The following NGEF variants were observed in gnomAD, a reference collection of about 807,000 sequenced individuals.
NGEF encodes ephexin-1.
Under a neutral mutation model 80.9 loss-of-function variants are expected in NGEF, and 31 were observed. The observed-to-expected ratio is 0.38, with a 90% CI of 0.29 to 0.52. NGEF has a LOEUF of 0.52. Among genes scored for constraint, NGEF ranks in the 20% least tolerant of loss-of-function variants. NGEF has a pLI of 0.84. For synonymous variants in NGEF, 371 were observed against 370.2 expected, an observed-to-expected ratio of 1.00 and a Z score of -0.03; for missense variants, 709 against 926.2, an observed-to-expected ratio of 0.77 and a Z score of 3.04.
intron 3 of NGEF, among the ~76,000 whole-genome samples, chr2:232,959,046 A>G (rs1693891327): frequency 6.6e-6 from 1 of 152,236 alleles, no homozygotes; most frequent in African/African-American, 2.4e-5. Context: ...ATCTCTTAAC[A>G]TGATCAAATA....
intron 8 of NGEF, among the ~76,000 whole-genome samples, chr2:232,888,584 CACAT>C (rs753632631): frequency 9.5e-4 from 144 of 152,352 alleles, no homozygotes; most frequent in African/African-American, 1.3e-3. Flanking sequence ...TGCACGCACA[CACAT>C]ACACACAGCC....
chr2:232,978,307 G>A (rs1414889331), intron 1 of NGEF, among the ~76,000 whole-genome samples: 2 of 152,014 alleles, frequency 1.3e-5, no homozygotes, highest in African/African-American at 4.8e-5. Flanking sequence ...GAGGTCAGGA[G>A]TTCAAGACCA....
chr2:232,987,920 C>T (rs550608779), intron 1 of NGEF, among the ~76,000 whole-genome samples: 26 of 152,124 alleles, frequency 1.7e-4, no homozygotes, highest in Non-Finnish European at 3.5e-4. Context: ...TTGGGGACTG[C>T]CCACATGGCC....
intron 3 of NGEF, among the ~76,000 whole-genome samples, chr2:232,961,008 C>T (rs1207993508): frequency 2.0e-5 from 3 of 152,168 alleles, no homozygotes; most frequent in Non-Finnish European, 4.4e-5. Flanking sequence ...TTGTGCTTTC[C>T]TCCTGCCGTG....
At chr2:232,926,691 T>C (rs530794674) in intron 4 of NGEF, among the ~76,000 whole-genome samples, 2 of 152,214 alleles carry the variant, frequency 1.3e-5, no homozygotes, top group African/African-American at 4.8e-5. Context: ...TGATGGGGGA[T>C]AGTGGAGTCC....
rs749287296 is a variant in NGEF at position 232,879,221 on chromosome 2, G to A, written c.*268C>T. ...TGTGCCCACCCCCTTCCACCCCCTC[G>A]GAGGCATGAGGGAGGTGGTGTAATA... is the stretch of plus-strand genomic sequence containing the variant. On this transcript the variant is annotated 3_prime_UTR_variant, in exon 15 of 15. Transcript: ENST00000264051. The A allele has an allele frequency of 1.1e-5, 4 of 372,618 alleles. No individual in the cohort carries two copies. The highest frequency in any genetic ancestry group is 5.9e-5 in the South Asian group (1 of 16,850). The allele number at this position is 372,618 out of a possible 1,614,324, so 23.1% of individuals were successfully genotyped here.
rs977372454 is a variant in NGEF at position 232,974,525 on chromosome 2, A to G, written c.268+98T>C. ...TTGAAACTGTCCTTGGTACTTTTCA[A>G]TGCCACTTATCCTTTCTCATTTAAT... is the stretch of plus-strand genomic sequence containing the variant. On this transcript the variant is annotated intron_variant, in intron 2 of 14. Transcript: ENST00000264051. 21 of 1,395,290 alleles carry G rather than the reference A, an allele frequency of 1.5e-5. No homozygotes were observed. In the South Asian group the frequency reaches 1.5e-4, roughly 10 times the overall value. The allele number at this position is 1,395,290 out of a possible 1,614,324, so 86.4% of individuals were successfully genotyped here.
chr2:232,979,910 G>C (rs146915438), intron 1 of NGEF, among the ~76,000 whole-genome samples: 1 of 150,870 alleles, frequency 6.6e-6, no homozygotes, highest in African/African-American at 2.4e-5. Context: ...GCCAAGCCTC[G>C]CAACTTCCGC....
At chr2:232,922,956 G>A (rs916856272) in intron 4 of NGEF, among the ~76,000 whole-genome samples, 2 of 152,154 alleles carry the variant, frequency 1.3e-5, no homozygotes, top group African/African-American at 2.4e-5. Context: ...TATAATCCCA[G>A]CTACTCGGGA....
intron 1 of NGEF, among the ~76,000 whole-genome samples, chr2:233,005,485 C>T (rs1196650206): frequency 3.3e-5 from 5 of 152,250 alleles, no homozygotes; most frequent in African/African-American, 7.2e-5. Context: ...ACAAGGCCAC[C>T]TTCTGTGGCA....
intron 1 of NGEF, among the ~76,000 whole-genome samples, chr2:232,988,206 G>T (rs1413387463): frequency 6.6e-6 from 1 of 152,096 alleles, no homozygotes; most frequent in African/African-American, 2.4e-5. Flanking sequence ...AGGGGAGGTG[G>T]GGAGAGTGGC....
chr2:232,945,077 A>G (rs1033805489), intron 3 of NGEF, among the ~76,000 whole-genome samples: 4 of 152,068 alleles, frequency 2.6e-5, no homozygotes, highest in African/African-American at 9.7e-5. Context: ...TAAACCATGC[A>G]TATGTTTTAT....
intron 1 of NGEF, among the ~76,000 whole-genome samples, chr2:233,010,443 C>T (rs1695179055): frequency 6.6e-6 from 1 of 152,342 alleles, no homozygotes; most frequent in South Asian, 2.1e-4. Context: ...TTCTTCTCCT[C>T]CTCCTGGAAA....
chr2:232,913,508 T>A (rs1023571162), intron 5 of NGEF, among the ~76,000 whole-genome samples: 11 of 152,252 alleles, frequency 7.2e-5, no homozygotes, highest in Non-Finnish European at 1.6e-4. Context: ...TGGCCGATTC[T>A]TCCATAACCT....
chr2:233,000,492 C>CAGGCGAGG (rs1391521387), intron 1 of NGEF, among the ~76,000 whole-genome samples: 1 of 151,414 alleles, frequency 6.6e-6, no homozygotes, highest in Non-Finnish European at 1.5e-5. Context: ...TGGCTCACGC[C>CAGGCGAGG]TGTAATGCCA....
At chr2:232,938,954 G>GCTT (rs1693385526) in intron 3 of NGEF, among the ~76,000 whole-genome samples, 3 of 151,990 alleles carry the variant, frequency 2.0e-5, no homozygotes, top group Admixed American at 2.0e-4. Flanking sequence ...GCCGAGGCAG[G>GCTT]TGGATCAGAG....
chr2:232,974,932 C>A lies in NGEF; in HGVS notation c.-42G>T. On this transcript the variant is annotated 5_prime_UTR_variant, in exon 2 of 15. It removes the in-frame stop codon of an upstream open reading frame in the 5' UTR. Coordinates refer to ENST00000264051, the MANE Select transcript of NGEF (RefSeq NM_019850.3). The stretch of plus-strand genomic sequence containing the variant: ...GTTTCTCAGCAGAACGACTGGAGGT[C>A]AATGACTTTCCCAAGCTTCACTGGT... The A allele has an allele frequency of 6.3e-7, 1 of 1,587,132 alleles. No individual in the cohort carries two copies. Among genetic ancestry groups the A allele is most frequent in the South Asian group, 1.2e-5 (1 of 85,810 alleles).
At chr2:232,942,104 T>A (rs1169529186) in intron 3 of NGEF, among the ~76,000 whole-genome samples, 1 of 152,220 alleles carries the variant, frequency 6.6e-6, no homozygotes, top group Non-Finnish European at 1.5e-5. Context: ...AGCCCTTCCC[T>A]GCCCTCCTGC....
intron 1 of NGEF, among the ~76,000 whole-genome samples, chr2:232,975,191 T>C (rs1694267185): frequency 1.3e-5 from 2 of 152,208 alleles, no homozygotes; most frequent in Admixed American, 1.3e-4. Flanking sequence ...AGAGGCACTT[T>C]TAGGGGGAAA....
Sources: gnomAD v4.1 joint callset for allele counts (sites outside exome capture counted in the v4.1 genomes callset) on GRCh38, gnomAD v4.1.1 for gene constraint, MANE v1.5 for transcripts, NCBI Gene and HGNC (gene_info 2026-07-23, HGNC 2026-07-21) for gene names.